Variants in SCG5 observed in about 807,000 individuals in gnomAD.
SCG5 encodes the protein secretogranin V.
SCG5 carries 18 observed loss-of-function variants against 25.7 expected under a neutral mutation model. The observed-to-expected ratio is 0.70, with a 90% CI of 0.48 to 1.04. The LOEUF (loss-of-function observed/expected upper bound fraction) is 1.04. SCG5 is among the 50% of genes least tolerant of loss of function. The pLI is 0.00. For missense variants in SCG5, 206 were observed against 259.8 expected (o/e 0.79, Z 1.42); for synonymous variants, 101 against 91.7 (o/e 1.10, Z -0.58).
intron 2 of SCG5, among the ~76,000 whole-genome samples, chr15:32,649,475 C>T (rs1217893884): frequency 1.3e-5 from 2 of 152,150 alleles, no homozygotes; most frequent in African/African-American, 4.8e-5. Flanking sequence ...GCCCTTTGTA[C>T]AGCGCCTACC....
At chr15:32,693,873 G>T (rs2054908107) in intron 5 of SCG5, among the ~76,000 whole-genome samples, 1 of 152,200 alleles carries the variant, frequency 6.6e-6, no homozygotes, top group Non-Finnish European at 1.5e-5. Flanking sequence ...ACTTTGGGAG[G>T]CCGAGGAGGG....
intron 2 of SCG5, among the ~76,000 whole-genome samples, chr15:32,657,220 T>TATATATATATATATATATATATATATA (rs71113464): frequency 1.7e-3 from 184 of 106,492 alleles, no homozygotes; most frequent in Middle Eastern, 5.1e-3. Context: ...TATGTATGTA[T>TATATATATATATATATATATATATATA]TTCCAGGTGT....
chr15:32,665,204 C>G (rs2054298584), intron 2 of SCG5, among the ~76,000 whole-genome samples: 1 of 152,106 alleles, frequency 6.6e-6, no homozygotes, highest in Non-Finnish European at 1.5e-5. Context: ...TAAAATGCAC[C>G]TAATAGCACT....
intron 1 of SCG5, among the ~76,000 whole-genome samples, chr15:32,642,837 A>T (rs1012406483): frequency 2.6e-5 from 4 of 152,170 alleles, no homozygotes; most frequent in Non-Finnish European, 5.9e-5. Context: ...ATAGGGGCTC[A>T]TTCTGTGCCT....
intron 3 of SCG5, among the ~76,000 whole-genome samples, chr15:32,683,128 T>G (rs2054648399): frequency 6.6e-6 from 1 of 152,228 alleles, no homozygotes; most frequent in Non-Finnish European, 1.5e-5. Context: ...GAGAGCCGCA[T>G]TAGGGATTTG....
At position 32,657,201 on chromosome 15, in the gene SCG5, A is replaced by ATG. The variant is rs1415876812; in HGVS notation, c.226+13384_226+13385insGT. Among the ~76,000 whole-genome samples the ATG allele has an allele frequency of 1.9e-3, 100 of 53,710 alleles. 7 individuals are homozygous for ATG. The highest frequency in any genetic ancestry group is 2.7e-3 in the Non-Finnish European group (83 of 30,588). 35.2% of individuals were successfully genotyped at this position (53,710 alleles called of 152,430 possible). On this transcript the variant is annotated intron_variant, in intron 2 of 5. Transcript: ENST00000300175. ...TTAATTCTTTCTTTCATCCTCCTGT[A>ATG]TATATATATATGTATGTATTTCCAG...
chr15:32,689,480 T>A (rs569093634), intron 4 of SCG5, among the ~76,000 whole-genome samples: 1 of 151,902 alleles, frequency 6.6e-6, no homozygotes, highest in Admixed American at 6.6e-5. Context: ...TATTTAGGAG[T>A]GTAATTTGAA....
chr15:32,695,012 T>C (rs1452901949), intron 5 of SCG5, among the ~76,000 whole-genome samples: 2 of 132 alleles, frequency 0.015, no homozygotes, highest in East Asian at 0.5. Context: ...TCTTTCTTTC[T>C]TTTTTTTTTT....
At chr15:32,643,448 A>C (rs1480918234) in intron 1 of SCG5, 138 bp from the exon 2 acceptor site, 4 of 662,444 alleles carry the variant, frequency 6.0e-6, no homozygotes, top group African/African-American at 5.4e-5. Context: ...GACAAAAGCA[A>C]CCTCCTAAGG....
rs774693302 is a variant in SCG5, at chr15:32,696,493, TTTTG to T, written c.544-9_544-6del. ...CACATATAACACCAAACCACATGGTTTTTGTTTGTTTGTTTTTCAGAGTGTCAAT... is the reference window on the plus strand; with the variant it reads ...CACATATAACACCAAACCACATGGTTTTTGTTTGTTTTTCAGAGTGTCAAT... On this transcript the variant is annotated splice_polypyrimidine_tract_variant and intron_variant, in intron 5 of 5. Coordinates refer to ENST00000300175, the MANE Select transcript of SCG5 (RefSeq NM_001144757.3). 54 of 1,543,560 alleles carry T rather than the reference TTTTG, an allele frequency of 3.5e-5. No individual in the cohort carries two copies. The Middle Eastern group carries it at 1.3e-3, about 38-fold the overall frequency.
intron 2 of SCG5, among the ~76,000 whole-genome samples, chr15:32,660,387 C>G (rs2054196879): frequency 6.6e-6 from 1 of 152,312 alleles, no homozygotes; most frequent in East Asian, 1.9e-4. Context: ...TGTCCATGCT[C>G]CAGGCAGGTC....
intron 2 of SCG5, among the ~76,000 whole-genome samples, chr15:32,676,898 G>C (rs2054540667): frequency 6.6e-6 from 1 of 152,086 alleles, no homozygotes; most frequent in Non-Finnish European, 1.5e-5. Flanking sequence ...AGAAATAAGA[G>C]AATGACAGTC....
chr15:32,667,500 G>A (rs943190559), intron 2 of SCG5, among the ~76,000 whole-genome samples: 2 of 152,220 alleles, frequency 1.3e-5, no homozygotes, highest in Non-Finnish European at 2.9e-5. Flanking sequence ...TGAGCGTATT[G>A]CCGGAGGCAC....
chr15:32,658,693 C>T (rs1567074126), intron 2 of SCG5, among the ~76,000 whole-genome samples: 1 of 152,190 alleles, frequency 6.6e-6, no homozygotes, highest in Non-Finnish European at 1.5e-5. Context: ...TCTGTCCTTG[C>T]AGATAAATAG....
At chr15:32,663,069 ATATATATAT>A (rs1225024956) in intron 2 of SCG5, among the ~76,000 whole-genome samples, 15 of 53,746 alleles carry the variant, frequency 2.8e-4, no homozygotes, top group South Asian at 2.1e-3. Flanking sequence ...ATATATATAT[ATATATATAT>A]AATATATAAT....
At chr15:32,688,347 A>G (rs1475062322) in intron 4 of SCG5, among the ~76,000 whole-genome samples, 1 of 152,156 alleles carries the variant, frequency 6.6e-6, no homozygotes, top group Non-Finnish European at 1.5e-5. Flanking sequence ...AAAAGCAAAT[A>G]TTTTTCCTTT....
intron 2 of SCG5, among the ~76,000 whole-genome samples, chr15:32,662,676 T>G (rs941561597): frequency 6.6e-6 from 1 of 151,372 alleles, no homozygotes; most frequent in African/African-American, 2.4e-5. Context: ...TGAAGGGGAG[T>G]GCTTTTGTAT....
chr15:32,647,356 T>C (rs550536113), intron 2 of SCG5, among the ~76,000 whole-genome samples: 1 of 152,340 alleles, frequency 6.6e-6, no homozygotes, highest in East Asian at 1.9e-4. Context: ...ATCTATCTTG[T>C]CTACTTAAAT....
Position 32,663,079 on chromosome 15 carries a change from A to AAT in SCG5, c.227-16681_227-16680dup, listed in dbSNP as rs368999710. On this transcript the variant is annotated intron_variant, in intron 2 of 5. Coordinates refer to ENST00000300175, the MANE Select transcript of SCG5 (RefSeq NM_001144757.3). ...TATATATATATATATATATATATATAATATATAATATGTTATATATACACA... is the reference window on the plus strand; with the variant it reads ...TATATATATATATATATATATATATAATATATATAATATGTTATATATACACA... 1.7e-3 allele frequency among the ~76,000 whole-genome samples: 113 copies of AAT among 65,976 alleles called. 3 individuals carry two copies. The East Asian group carries it at 0.029, about 17-fold the overall frequency. 43.3% of individuals were successfully genotyped at this position (65,976 alleles called of 152,430 possible). A position where few individuals can be genotyped will look rare whatever the true frequency, so the allele number is the denominator to read the frequency against.
Sources: gnomAD v4.1 joint callset for allele counts (sites outside exome capture counted in the v4.1 genomes callset) on GRCh38, gnomAD v4.1.1 for gene constraint, MANE v1.5 for transcripts, NCBI Gene and HGNC (gene_info 2026-07-23, HGNC 2026-07-21) for gene names.